The following PRKCZ variants were observed in gnomAD, a reference collection of about 807,000 sequenced individuals.
PRKCZ encodes protein kinase C zeta.
PRKCZ carries 33 observed loss-of-function variants against 79.5 expected under a neutral mutation model. The observed-to-expected ratio is 0.41, with a 90% CI of 0.31 to 0.55. The LOEUF (loss-of-function observed/expected upper bound fraction) is 0.55. PRKCZ is among the 20% of genes least tolerant of loss of function. The pLI is 0.19. For synonymous variants in PRKCZ, 342 were observed against 320.9 expected (o/e 1.07, Z -0.70); for missense variants, 578 against 813.5 (o/e 0.71, Z 3.52).
At position 2,172,555 on chromosome 1, in the gene PRKCZ, T is replaced by G. The variant is rs1018060045; in HGVS notation, c.1285+167T>G. On this transcript the variant is annotated intron_variant, in intron 13 of 17. Transcript: ENST00000378567. This position sits in a 1 kb window ranked among gnomAD's most constrained non-coding sequence, Gnocchi z 7.8. ...TCTGGCCTCAGCCCCTTATTTGAAT[T>G]CTGGAAAACCTCCCATGTCCACTTG... 6.6e-6 allele frequency among the ~76,000 whole-genome samples: 1 copy of G among 152,160 alleles called. No homozygotes were observed. Among genetic ancestry groups the G allele is most frequent in the Non-Finnish European group, 1.5e-5 (1 of 68,010 alleles).
intron 4 of PRKCZ, among the ~76,000 whole-genome samples, chr1:2,070,018 C>T (rs567275819): frequency 6.7e-4 from 102 of 152,178 alleles, no homozygotes; most frequent in South Asian, 1.2e-3. Flanking sequence ...CTGAGGGCAG[C>T]GCTGGATGGT....
intron 4 of PRKCZ, among the ~76,000 whole-genome samples, chr1:2,076,246 TCTCCTGGCGCCCACTC>T (rs1306578532): frequency 6.6e-6 from 1 of 151,942 alleles, no homozygotes; most frequent in African/African-American, 2.4e-5. Flanking sequence ...GCAGGTCTGG[TCTCCTGGCGCCCACTC>T]ACTCCCTGGC....
chr1:2,103,758 C>G (rs1667890590), intron 4 of PRKCZ, among the ~76,000 whole-genome samples: 2 of 152,276 alleles, frequency 1.3e-5, no homozygotes, highest in Admixed American at 6.5e-5. Flanking sequence ...ACAGGGATAG[C>G]AAAGTAGATG....
intron 4 of PRKCZ, among the ~76,000 whole-genome samples, chr1:2,118,589 G>T (rs11589482): frequency 6.6e-6 from 1 of 151,934 alleles, no homozygotes; most frequent in African/African-American, 2.4e-5. Context: ...CGCCTGCTTC[G>T]GCCTCCCAAA....
Position 2,127,648 on chromosome 1 carries a change from G to A in PRKCZ, c.335-7614G>A, listed in dbSNP as rs368171188. ...TGGGAGCTCTGGTGCAGGTGTAGCC[G>A]AGGCTCAGGGGCTCCACACCAGGCA... On this transcript the variant is annotated intron_variant, in intron 4 of 17. Coordinates refer to ENST00000378567, the MANE Select transcript of PRKCZ (RefSeq NM_002744.6). The surrounding 1 kb of genome is among the most constrained non-coding windows in gnomAD (Gnocchi z 5.1). Among the ~76,000 whole-genome samples, 35 of 152,342 alleles carry A rather than the reference G, an allele frequency of 2.3e-4. No homozygotes were observed. Among genetic ancestry groups the A allele is most frequent in the Middle Eastern group, 3.4e-3 (1 of 294 alleles).
At chr1:2,060,546 C>T (rs1232801287) in intron 4 of PRKCZ, among the ~76,000 whole-genome samples, 2 of 151,840 alleles carry the variant, frequency 1.3e-5, no homozygotes, top group Admixed American at 6.6e-5. Flanking sequence ...GGTTTGGCAG[C>T]GCTTAGCGTA....
chr1:2,140,280 A>G (rs1256369183), intron 5 of PRKCZ, among the ~76,000 whole-genome samples: 1 of 152,274 alleles, frequency 6.6e-6, no homozygotes, highest in Admixed American at 6.5e-5. Context: ...CCAAGCTGGT[A>G]AAAGCCCAGA....
intron 8 of PRKCZ, 88 bp from the exon 9 acceptor site, chr1:2,150,702 C>T: frequency 7.4e-7 from 1 of 1,354,894 alleles, no homozygotes; most frequent in South Asian, 1.4e-5. Context: ...GAGCAGGTCT[C>T]TGTTGGGACC....
At chr1:2,059,704 C>T (rs1021389870) in intron 4 of PRKCZ, 113 bp downstream of exon 4, 26 of 1,402,028 alleles carry the variant, frequency 1.9e-5, no homozygotes, top group Non-Finnish European at 2.5e-5. Context: ...CCTCGTGGAG[C>T]GTCAGGGCAG....
At chr1:2,139,844 T>C (rs888430565) in intron 5 of PRKCZ, among the ~76,000 whole-genome samples, 4 of 152,238 alleles carry the variant, frequency 2.6e-5, no homozygotes, top group African/African-American at 9.6e-5. Context: ...TGGAGTTAGC[T>C]ACTCCCTTTG....
intron 9 of PRKCZ, among the ~76,000 whole-genome samples, chr1:2,152,634 T>G (rs893545006): frequency 5.3e-5 from 8 of 152,214 alleles, no homozygotes; most frequent in African/African-American, 1.9e-4. Flanking sequence ...CCAGAACATT[T>G]TCCTCACCCC....
chr1:2,085,829 C>T (rs530729231), intron 4 of PRKCZ, among the ~76,000 whole-genome samples: 2 of 152,288 alleles, frequency 1.3e-5, no homozygotes, highest in African/African-American at 2.4e-5. Context: ...GGCCCGGGCC[C>T]GGCTCCCCTC....
At position 2,076,208 on chromosome 1, in the gene PRKCZ, C is replaced by G. The variant is rs1662380704; in HGVS notation, c.334+16617C>G. Reference sequence around the variant, plus strand: ...AACCAGGAGCAGGTCCCTTGCTGTGCTGGTCGTGGTGCTCGAGTGTGGGCT... The same window carrying G: ...AACCAGGAGCAGGTCCCTTGCTGTGGTGGTCGTGGTGCTCGAGTGTGGGCT... On this transcript the variant is annotated intron_variant, in intron 4 of 17. Transcript: ENST00000378567. Among the ~76,000 whole-genome samples the G allele has an allele frequency of 3.9e-5, 6 of 152,198 alleles. No homozygotes were observed. In the South Asian group the frequency reaches 1.2e-3, roughly 31 times the overall value.
intron 11 of PRKCZ, among the ~76,000 whole-genome samples, chr1:2,170,298 C>T (rs540219508): frequency 2.0e-5 from 3 of 152,314 alleles, no homozygotes; most frequent in South Asian, 4.1e-4. Context: ...CGCGGGACCT[C>T]CAGGACCGTT....
chr1:2,143,580 A>G (rs1677847973), intron 5 of PRKCZ: 1 of 152,298 alleles, frequency 6.6e-6, no homozygotes, highest in African/African-American at 2.4e-5. Flanking sequence ...TGTAACATTT[A>G]AACGTTCATG....
intron 4 of PRKCZ, among the ~76,000 whole-genome samples, chr1:2,093,754 G>A (rs1357862659): frequency 6.6e-6 from 1 of 152,202 alleles, no homozygotes. Flanking sequence ...GAACCCCAGG[G>A]CCTCACAGAG....
intron 4 of PRKCZ, among the ~76,000 whole-genome samples, chr1:2,126,085 G>A (rs1044990130): frequency 2.6e-5 from 4 of 151,992 alleles, no homozygotes; most frequent in African/African-American, 4.8e-5. Context: ...GGGGTCCTGC[G>A]GGGGCTTCTC....
chr1:2,119,851 A>AT (rs1487100180), intron 4 of PRKCZ, among the ~76,000 whole-genome samples: 2 of 137,390 alleles, frequency 1.5e-5, no homozygotes, highest in Non-Finnish European at 3.1e-5. Flanking sequence ...CAGTGGTGTG[A>AT]TTTTGGCTCA....
intron 10 of PRKCZ, among the ~76,000 whole-genome samples, chr1:2,159,441 A>G (rs1007136360): frequency 6.6e-6 from 1 of 152,222 alleles, no homozygotes; most frequent in African/African-American, 2.4e-5. Context: ...CAGGTGAATA[A>G]CACGCAGAAC....
Sources: allele counts gnomAD v4.1 joint callset (sites outside exome capture counted in the v4.1 genomes callset), GRCh38; gene constraint gnomAD v4.1.1; non-coding constraint Gnocchi (gnomAD v3.1); transcripts MANE v1.5; gene names NCBI Gene and HGNC (gene_info 2026-07-23, HGNC 2026-07-21).